TMEM45A: variants seen among roughly 807,000 people sequenced by gnomAD.
TMEM45A encodes DNA polymerase-transactivated protein 4.
Under a neutral mutation model 32.0 loss-of-function variants are expected in TMEM45A, and 25 were observed. That is an observed-to-expected ratio of 0.78 (90% confidence interval 0.57 to 1.09). The LOEUF (loss-of-function observed/expected upper bound fraction) is 1.09, where lower values mean the gene tolerates loss of function less well. TMEM45A is among the 50% of genes least tolerant of loss of function. TMEM45A has a pLI of 0.00. For missense variants in TMEM45A, 302 were observed against 325.0 expected (o/e 0.93, Z 0.54); for synonymous variants, 122 against 114.8 (o/e 1.06, Z -0.40).
intron 1 of TMEM45A, among the ~76,000 whole-genome samples, chr3:100,549,072 AC>A (rs1706036571): frequency 6.6e-6 from 1 of 151,920 alleles, no homozygotes; most frequent in African/African-American, 2.4e-5. Flanking sequence ...ACATGGTAAA[AC>A]CCCATGTCTA....
intron 1 of TMEM45A, among the ~76,000 whole-genome samples, chr3:100,551,547 G>A (rs1455412495): frequency 6.6e-6 from 1 of 152,178 alleles, no homozygotes; most frequent in Non-Finnish European, 1.5e-5. Context: ...GGAGTAAGTT[G>A]CACCTGAAGG....
At chr3:100,523,515 G>C (rs1175522930) in intron 1 of TMEM45A, among the ~76,000 whole-genome samples, 2 of 152,206 alleles carry the variant, frequency 1.3e-5, no homozygotes, top group African/African-American at 2.4e-5. Context: ...ATTATGATAT[G>C]CATGAGAAAT....
chr3:100,555,393 C>A lies in TMEM45A; in HGVS notation c.182C>A (p.Ala61Asp), dbSNP rs778071377. 6.2e-7 allele frequency: 1 copy of A among 1,613,086 alleles called. No homozygotes were observed. Among genetic ancestry groups the A allele is most frequent in the Non-Finnish European group, 8.5e-7 (1 of 1,179,356 alleles). ...GAGGGAATTACAATAGTTGGCATGG[C>A]TTTAACTGGTGAGTGGACCATTCTG... ...ILEGITIVGM[A>D]LTGMAGEQFI... The change falls in exon 2 of 6, where the codon GCT becomes GAT. Residue 61 changes from alanine to aspartate, a missense_variant. Physicochemically the swap from Ala to Asp is moderately radical, Grantham distance 126. Transcript: ENST00000323523.
At chr3:100,505,050 A>G (rs543756749) in intron 1 of TMEM45A, among the ~76,000 whole-genome samples, 7 of 152,164 alleles carry the variant, frequency 4.6e-5, no homozygotes, top group Non-Finnish European at 1.0e-4. Flanking sequence ...GGAGAACAAA[A>G]GGTTGACCGT....
At chr3:100,493,282 C>A (rs1349831294) in intron 1 of TMEM45A, among the ~76,000 whole-genome samples, 1 of 151,844 alleles carries the variant, frequency 6.6e-6, no homozygotes, top group Non-Finnish European at 1.5e-5. Context: ...TTTGTAAAGC[C>A]AAAATCGTTT....
intron 1 of TMEM45A, among the ~76,000 whole-genome samples, chr3:100,552,654 A>T (rs1178430342): frequency 1.3e-5 from 2 of 152,208 alleles, no homozygotes; most frequent in Non-Finnish European, 2.9e-5. Context: ...AGGTGGGTTG[A>T]TAAGATGATT....
intron 1 of TMEM45A, among the ~76,000 whole-genome samples, chr3:100,495,346 G>A (rs531760056): frequency 6.6e-6 from 1 of 152,220 alleles, no homozygotes; most frequent in Non-Finnish European, 1.5e-5. Context: ...GAAGGGAAGG[G>A]ATTATAGAGG....
At chr3:100,514,093 C>A (rs1708217496) in intron 1 of TMEM45A, among the ~76,000 whole-genome samples, 1 of 152,174 alleles carries the variant, frequency 6.6e-6, no homozygotes, top group African/African-American at 2.4e-5. Flanking sequence ...ATCAAGCTAC[C>A]AATGACTTTC....
At chr3:100,556,338 T>A (rs1706221569) in intron 2 of TMEM45A, among the ~76,000 whole-genome samples, 1 of 152,240 alleles carries the variant, frequency 6.6e-6, no homozygotes, top group African/African-American at 2.4e-5. Flanking sequence ...TTAGCATTTT[T>A]ATCTGGTACC....
In TMEM45A at chr3:100,533,032, G is replaced by A. The variant is rs138748726; in HGVS notation, c.-3-22177G>A. ...AGCTCTTTCTCATTATCTTTAAAGTGGGGATAATAATTATGATGATTAAAT... is the reference window on the plus strand; with the variant it reads ...AGCTCTTTCTCATTATCTTTAAAGTAGGGATAATAATTATGATGATTAAAT... On this transcript the variant is annotated intron_variant, in intron 1 of 5. Coordinates refer to ENST00000323523, the MANE Select transcript of TMEM45A (RefSeq NM_018004.3). Among the ~76,000 whole-genome samples the A allele has an allele frequency of 4.9e-3, 751 of 152,164 alleles. 6 individuals are homozygous for A. Among genetic ancestry groups the A allele is most frequent in the African/African-American group, 0.017 (719 of 41,502 alleles).
intron 1 of TMEM45A, among the ~76,000 whole-genome samples, chr3:100,512,124 C>G (rs908751827): frequency 1.3e-5 from 2 of 152,156 alleles, no homozygotes; most frequent in Non-Finnish European, 2.9e-5. Context: ...CCAAGTGGAC[C>G]TAATAGACAT....
chr3:100,531,067 C>A (rs1234832248), intron 1 of TMEM45A, among the ~76,000 whole-genome samples: 1 of 151,928 alleles, frequency 6.6e-6, no homozygotes, highest in Non-Finnish European at 1.5e-5. Context: ...ATGTCAGCAG[C>A]CTTTGATTAA....
intron 1 of TMEM45A, among the ~76,000 whole-genome samples, chr3:100,508,774 T>G (rs971356261): frequency 1.3e-5 from 2 of 151,856 alleles, no homozygotes; most frequent in Admixed American, 1.3e-4. Flanking sequence ...AGAATGAAAC[T>G]GTCTGAATGA....
chr3:100,511,194 A>G (rs1199122882), intron 1 of TMEM45A, among the ~76,000 whole-genome samples: 1 of 151,168 alleles, frequency 6.6e-6, no homozygotes, highest in Non-Finnish European at 1.5e-5. Flanking sequence ...AGTTGAAATG[A>G]AGGAAAAAAT....
rs775207872 is a variant in TMEM45A at position 100,558,391 on chromosome 3, T to G, written c.404-14T>G. 2 of 1,612,268 alleles carry G rather than the reference T, an allele frequency of 1.2e-6. No individual in the cohort carries two copies. Among genetic ancestry groups the G allele is most frequent in the Non-Finnish European group, 1.7e-6 (2 of 1,179,862 alleles). On this transcript the variant is annotated splice_polypyrimidine_tract_variant and intron_variant, in intron 3 of 5. Coordinates refer to ENST00000323523, the MANE Select transcript of TMEM45A (RefSeq NM_018004.3). ...GGTTCCACTGAAAAAGACAATCTGT[T>G]TTTTCCCCATCAGCCTTTATCTTCT...
chr3:100,523,663 T>C (rs1254799404), intron 1 of TMEM45A, among the ~76,000 whole-genome samples: 2 of 150,408 alleles, frequency 1.3e-5, no homozygotes, highest in African/African-American at 4.9e-5. Flanking sequence ...CTCCTTCTCT[T>C]CTTCCTCCTC....
At chr3:100,501,747 C>T (rs7430698) in intron 1 of TMEM45A, among the ~76,000 whole-genome samples, 33,690 of 151,958 alleles carry the variant, frequency 0.22, 4,086 homozygotes, top group East Asian at 0.33. Context: ...GCAGTTATTT[C>T]GTGGTAGTAA....
intron 4 of TMEM45A, among the ~76,000 whole-genome samples, chr3:100,563,353 T>C (rs1296465531): frequency 6.6e-6 from 1 of 152,190 alleles, no homozygotes; most frequent in Non-Finnish European, 1.5e-5. Flanking sequence ...TGTTTCCAAA[T>C]ACAATCACAT....
chr3:100,545,030 G>A (rs1705957013), intron 1 of TMEM45A, among the ~76,000 whole-genome samples: 1 of 152,178 alleles, frequency 6.6e-6, no homozygotes, highest in Non-Finnish European at 1.5e-5. Flanking sequence ...AGCCATTCTA[G>A]TGAGTGTGTA....
Sources: allele counts gnomAD v4.1 joint callset (sites outside exome capture counted in the v4.1 genomes callset), GRCh38; gene constraint gnomAD v4.1.1; transcripts MANE v1.5; gene names NCBI Gene and HGNC (gene_info 2026-07-23, HGNC 2026-07-21).